THOP1: variants seen among roughly 807,000 people sequenced by gnomAD.
THOP1 encodes thimet oligopeptidase.
A neutral mutation model predicts 71.8 loss-of-function variants in THOP1; 49 were observed. The observed-to-expected ratio is 0.68, with a 90% confidence interval of 0.54 to 0.87. The LOEUF is 0.87. Among genes scored for constraint, THOP1 ranks in the 40% least tolerant of loss-of-function variants. The pLI, the probability that THOP1 is intolerant of heterozygous loss-of-function variation, is 0.00. For synonymous variants in THOP1, 426 were observed against 421.5 expected, an observed-to-expected ratio of 1.01 and a Z score of -0.13; for missense variants, 843 against 975.6, an observed-to-expected ratio of 0.86 and a Z score of 1.81.
intron 9 of THOP1, among the ~76,000 whole-genome samples, chr19:2,808,944 G>C: frequency 6.6e-6 from 1 of 152,210 alleles, no homozygotes; most frequent in East Asian, 1.9e-4. Flanking sequence ...TGTAATCCCA[G>C]CACTTTGGGA....
rs761756768 is a variant in THOP1, at chr19:2,806,947, A to C, written c.781A>C (p.Thr261Pro). The C allele has an allele frequency of 1.9e-6, 3 of 1,613,006 alleles. No homozygotes were observed. The highest frequency in any genetic ancestry group is 2.2e-5 in the South Asian group (2 of 91,048). Residue 261 changes from threonine to proline, a missense_variant, in exon 7 of 13, where the codon ACG (threonine) becomes CCG (proline). By Grantham distance (38) the Thr-to-Pro change is conservative. Coordinates refer to ENST00000307741, the MANE Select transcript of THOP1 (RefSeq NM_003249.5). ...CTGCGCTATCCTCAAGGAGCTGGTG[A>C]CGCTGCGGGCCCAGAAGTCCCGCCT... ...ENCAILKELVTLRAQKSRLLG... is the reference protein window; with the variant it reads ...ENCAILKELVPLRAQKSRLLG...
At position 2,806,963 on chromosome 19, in the gene THOP1, A is replaced by T. The variant is rs2144778579; in HGVS notation, c.797A>T (p.Lys266Met). Residue 266 changes from lysine to methionine, a missense_variant, in exon 7 of 13, where the codon AAG becomes ATG. Transcript: ENST00000307741. The stretch of plus-strand genomic sequence containing the variant: ...GAGCTGGTGACGCTGCGGGCCCAGA[A>T]GTCCCGCCTGCTGGGGTTCCACACG... The part of the protein sequence containing the change: ...LKELVTLRAQ[K>M]SRLLGFHTHA... 1 of 1,613,108 alleles carries T rather than the reference A, an allele frequency of 6.2e-7. No individual in the cohort carries two copies. The highest frequency in any genetic ancestry group is 2.2e-5 in the East Asian group (1 of 44,856).
chr19:2,787,605 T>A (rs1353943814), intron 1 of THOP1, among the ~76,000 whole-genome samples: 2 of 152,156 alleles, frequency 1.3e-5, no homozygotes, highest in Non-Finnish European at 2.9e-5. Flanking sequence ...AACTGAAAGG[T>A]TTGCCTTAAG....
intron 11 of THOP1, among the ~76,000 whole-genome samples, 175 bp from the exon 12 acceptor site, chr19:2,811,423 G>A (rs1005175927): frequency 1.3e-5 from 2 of 152,158 alleles, no homozygotes; most frequent in African/African-American, 2.4e-5. Flanking sequence ...TGTGGCCCTC[G>A]CTTTGTGGCT....
intron 4 of THOP1, among the ~76,000 whole-genome samples, chr19:2,797,143 G>T (rs934347156): frequency 3.9e-5 from 6 of 152,282 alleles, no homozygotes; most frequent in African/African-American, 1.4e-4. Flanking sequence ...GTGTAGCGGG[G>T]AGTGGGCTCA....
At chr19:2,793,808 A>G (rs1197730354) in intron 2 of THOP1, among the ~76,000 whole-genome samples, 1 of 152,006 alleles carries the variant, frequency 6.6e-6, no homozygotes, top group Non-Finnish European at 1.5e-5. Context: ...ATTCCTTTTC[A>G]TGGCTGAGTC....
rs573831850 is a variant in THOP1 at position 2,805,606 on chromosome 19, C to T, written c.750+430C>T. 4.6e-5 allele frequency among the ~76,000 whole-genome samples: 7 copies of T among 152,288 alleles called. No homozygotes were observed. In the South Asian group the frequency reaches 8.3e-4, roughly 18 times the overall value. ...CTCGCTGTGACTGGCGTCAGACGGC[C>T]GTTCCCACAGGGACACATGTAACTG... On this transcript the variant is annotated intron_variant, in intron 6 of 12. Coordinates refer to ENST00000307741, the MANE Select transcript of THOP1 (RefSeq NM_003249.5). This position sits in a 1 kb window ranked among gnomAD's most constrained non-coding sequence, Gnocchi z 6.6.
At chr19:2,792,848 A>T (rs954821718) in intron 2 of THOP1, among the ~76,000 whole-genome samples, 2 of 151,974 alleles carry the variant, frequency 1.3e-5, no homozygotes, top group Non-Finnish European at 2.9e-5. Flanking sequence ...CTCCATTGAG[A>T]TATGATTTGC....
Position 2,801,279 on chromosome 19 carries a change from C to A in THOP1, c.589+1488C>A, listed in dbSNP as rs1463308827. ...TGGTTCTGCACAGACTCTGCTGGCT[C>A]ATGTGGGTTCCAGCCGGTTTCAGCC... is the stretch of plus-strand genomic sequence containing the variant. On this transcript the variant is annotated intron_variant, in intron 5 of 12. Coordinates refer to ENST00000307741, the MANE Select transcript of THOP1 (RefSeq NM_003249.5). The surrounding 1 kb of genome is among the most constrained non-coding windows in gnomAD (Gnocchi z 5.1). 6.6e-6 allele frequency among the ~76,000 whole-genome samples: 1 copy of A among 152,220 alleles called. No individual in the cohort carries two copies. Among genetic ancestry groups the A allele is most frequent in the African/African-American group, 2.4e-5 (1 of 41,456 alleles).
intron 3 of THOP1, 41 bp from the exon 4 acceptor site, chr19:2,796,040 C>A: frequency 1.3e-6 from 2 of 1,517,358 alleles, no homozygotes; most frequent in African/African-American, 1.4e-5. Context: ...GGAGCGGCTG[C>A]ACTGGCCCAC....
chr19:2,791,202 G>A (rs1334318625), intron 2 of THOP1, among the ~76,000 whole-genome samples: 1 of 152,198 alleles, frequency 6.6e-6, no homozygotes, highest in Non-Finnish European at 1.5e-5. Context: ...ACGGTGAGGA[G>A]TGAGGTGCCT....
At position 2,810,388 on chromosome 19, in the gene THOP1, G is replaced by A; in HGVS notation, c.1540G>A (p.Glu514Lys). 6.2e-7 allele frequency: 1 copy of A among 1,610,808 alleles called. No individual in the cohort carries two copies. The change falls in exon 10 of 13, where the codon GAG becomes AAG. Residue 514 changes from glutamate (E) to lysine (K), a missense_variant. Glu to Lys is a moderately conservative substitution (Grantham distance 56). Coordinates refer to ENST00000307741, the MANE Select transcript of THOP1 (RefSeq NM_003249.5). The part of the protein sequence containing the change: ...PSQMLENWVW[E>K]QEPLLRMSRH... ...GCAGATGCTGGAGAACTGGGTGTGG[G>A]AGCAGGAGCCGCTGCTGCGGATGTC...
intron 5 of THOP1, among the ~76,000 whole-genome samples, chr19:2,803,130 G>A (rs1290200547): frequency 6.6e-6 from 1 of 152,228 alleles, no homozygotes; most frequent in African/African-American, 2.4e-5. Flanking sequence ...CCAGCCCTCA[G>A]ATGCTCCATT....
chr19:2,798,557 A>G (rs988188229), intron 4 of THOP1, among the ~76,000 whole-genome samples: 9 of 152,238 alleles, frequency 5.9e-5, no homozygotes, highest in African/African-American at 1.9e-4. Context: ...TTGAGTCTCC[A>G]GAGCCTTCCC....
At chr19:2,793,872 C>T (rs1197174143) in intron 2 of THOP1, among the ~76,000 whole-genome samples, 1 of 152,052 alleles carries the variant, frequency 6.6e-6, no homozygotes, top group Non-Finnish European at 1.5e-5. Flanking sequence ...CGTGGATGGA[C>T]CTTTTGTCAA....
At chr19:2,785,751 C>T (rs1599515313) in intron 1 of THOP1, 73 bp downstream of exon 1, 1 of 1,295,320 alleles carries the variant, frequency 7.7e-7, no homozygotes, top group East Asian at 3.1e-5. Context: ...CGACTTGGGC[C>T]TAAGGCTGGA....
Position 2,805,270 on chromosome 19 carries a change from A to G in THOP1, c.750+94A>G. ...TGTGTGAGGCACCTCCAGGCTTTGC[A>G]CTTGGATGGCCTCCCAATCTCCCTG... is the stretch of plus-strand genomic sequence containing the variant. On this transcript the variant is annotated intron_variant, in intron 6 of 12. Transcript: ENST00000307741. The surrounding 1 kb of genome is among the most constrained non-coding windows in gnomAD (Gnocchi z 6.6). The G allele has an allele frequency of 7.1e-7, 1 of 1,404,740 alleles. No individual in the cohort carries two copies. The allele number at this position is 1,404,740 out of a possible 1,614,324, so 87.0% of individuals were successfully genotyped here.
At chr19:2,803,154 C>G (rs952086320) in intron 5 of THOP1, among the ~76,000 whole-genome samples, 1 of 152,252 alleles carries the variant, frequency 6.6e-6, no homozygotes, top group Non-Finnish European at 1.5e-5. Context: ...TGGAGGAGAC[C>G]TGGCGCCTTT....
chr19:2,798,060 A>G (rs955760000), intron 4 of THOP1, among the ~76,000 whole-genome samples: 14 of 151,890 alleles, frequency 9.2e-5, no homozygotes, highest in African/African-American at 3.1e-4. Flanking sequence ...AGGGAGTCAC[A>G]CTCTGTCTCC....
Sources: allele counts gnomAD v4.1 joint callset (sites outside exome capture counted in the v4.1 genomes callset), GRCh38; gene constraint gnomAD v4.1.1; non-coding constraint Gnocchi (gnomAD v3.1); transcripts MANE v1.5; gene names NCBI Gene and HGNC (gene_info 2026-07-23, HGNC 2026-07-21).